GPC6: variants seen among roughly 807,000 people sequenced by gnomAD.
GPC6 encodes glypican-6.
Under a neutral mutation model 55.2 loss-of-function variants are expected in GPC6, and 14 were observed. The ratio of observed to expected loss-of-function variants is 0.25; its 90% CI spans 0.17 to 0.40. The LOEUF (loss-of-function observed/expected upper bound fraction) is 0.40. GPC6 is among the 10% of genes least tolerant of loss of function. The probability of loss-of-function intolerance (pLI) is 1.00; values close to 1 mark genes in which losing one functional copy is unlikely to be tolerated. For synonymous variants in GPC6, 278 were observed against 259.6 expected (o/e 1.07, Z -0.68); for missense variants, 641 against 708.5 (o/e 0.90, Z 1.08).
chr13:93,752,482 C>T (rs146814013), intron 2 of GPC6, among the ~76,000 whole-genome samples: 2 of 151,394 alleles, frequency 1.3e-5, no homozygotes, highest in East Asian at 3.9e-4. Context: ...CCTAAGGTAG[C>T]ACTTAGGAAT....
At chr13:94,250,543 G>C (rs1891317292) in intron 4 of GPC6, among the ~76,000 whole-genome samples, 1 of 152,144 alleles carries the variant, frequency 6.6e-6, no homozygotes, top group South Asian at 2.1e-4. Context: ...GTTATAATTA[G>C]AATGGACAAG....
chr13:93,661,101 A>G (rs1880901841), intron 2 of GPC6, among the ~76,000 whole-genome samples: 1 of 152,246 alleles, frequency 6.6e-6, no homozygotes, highest in African/African-American at 2.4e-5. Context: ...CAAGGAGACA[A>G]GAATGTACAC....
chr13:94,185,524 C>T (rs2138953467), intron 4 of GPC6, among the ~76,000 whole-genome samples: 1 of 151,558 alleles, frequency 6.6e-6, no homozygotes, highest in South Asian at 2.1e-4. Flanking sequence ...ATATATATTA[C>T]TAAATATTGG....
chr13:93,907,234 C>T (rs959328934), intron 3 of GPC6, among the ~76,000 whole-genome samples: 2 of 152,044 alleles, frequency 1.3e-5, no homozygotes, highest in African/African-American at 4.8e-5. Flanking sequence ...TTATGTATAT[C>T]CCTTAATAAT....
chr13:94,226,361 G>A (rs181230721), intron 4 of GPC6, among the ~76,000 whole-genome samples: 179 of 152,170 alleles, frequency 1.2e-3, no homozygotes, highest in Non-Finnish European at 1.7e-3. Flanking sequence ...GTGCTCTGCT[G>A]CACATTAGGA....
At chr13:93,545,214 T>C in intron 1 of GPC6, 49 bp from the exon 2 acceptor site, 1 of 1,518,256 alleles carries the variant, frequency 6.6e-7, no homozygotes, top group East Asian at 2.3e-5. Context: ...CTCTAACGTC[T>C]ACCAAAAGTC....
intron 7 of GPC6, among the ~76,000 whole-genome samples, chr13:94,388,045 C>G (rs2139214787): frequency 6.6e-6 from 1 of 152,148 alleles, no homozygotes; most frequent in South Asian, 2.1e-4. Context: ...AGTAGCAAGG[C>G]TTGAAGGCAG....
chr13:93,774,027 A>G (rs149335504), intron 2 of GPC6, among the ~76,000 whole-genome samples: 305 of 152,290 alleles, frequency 2.0e-3, no homozygotes, highest in African/African-American at 6.8e-3. Flanking sequence ...CATGCCTCCA[A>G]TGGAACCAAT....
At chr13:94,080,637 AAGATTAAGGTGCC>A (rs889336763) in intron 4 of GPC6, among the ~76,000 whole-genome samples, 2 of 152,178 alleles carry the variant, frequency 1.3e-5, no homozygotes, top group African/African-American at 4.8e-5. Flanking sequence ...TGGCAAATTC[AAGATTAAGGTGCC>A]AGCTGACTTA....
At chr13:93,332,884 A>G (rs1879902699) in intron 1 of GPC6, among the ~76,000 whole-genome samples, 2 of 152,170 alleles carry the variant, frequency 1.3e-5, no homozygotes, top group Admixed American at 1.3e-4. Context: ...TTTTGTATTC[A>G]GTGAGAGACA....
intron 4 of GPC6, among the ~76,000 whole-genome samples, chr13:94,146,134 T>A (rs1007853017): frequency 1.3e-5 from 2 of 152,188 alleles, no homozygotes; most frequent in Non-Finnish European, 1.5e-5. Context: ...TCCATAATCA[T>A]GTCACATGCT....
chr13:93,963,333 T>C (rs1352722552), intron 3 of GPC6, among the ~76,000 whole-genome samples: 3 of 152,164 alleles, frequency 2.0e-5, no homozygotes, highest in South Asian at 4.1e-4. Context: ...TACTCATTTG[T>C]GATTACTGAA....
intron 1 of GPC6, among the ~76,000 whole-genome samples, chr13:93,309,723 G>A (rs1191138840): frequency 6.6e-6 from 1 of 152,110 alleles, no homozygotes; most frequent in Non-Finnish European, 1.5e-5. Context: ...ATAGAAGAAA[G>A]AAAAGCCCTG....
At chr13:93,687,057 AT>A (rs1882076302) in intron 2 of GPC6, among the ~76,000 whole-genome samples, 1 of 152,062 alleles carries the variant, frequency 6.6e-6, no homozygotes, top group Non-Finnish European at 1.5e-5. Flanking sequence ...TATGTAATTA[AT>A]CAAGTTCATT....
At chr13:94,011,753 G>A (rs1432002904) in intron 3 of GPC6, among the ~76,000 whole-genome samples, 1 of 152,174 alleles carries the variant, frequency 6.6e-6, no homozygotes, top group Non-Finnish European at 1.5e-5. Flanking sequence ...TATTCATGAA[G>A]TCAGTTCTGC....
intron 1 of GPC6, among the ~76,000 whole-genome samples, chr13:93,531,499 G>A (rs1458112821): frequency 1.3e-5 from 2 of 152,014 alleles, no homozygotes; most frequent in Non-Finnish European, 2.9e-5. Flanking sequence ...GGTTAGGCCT[G>A]CCCACATTAT....
At chr13:93,822,190 A>G (rs1887072137) in intron 2 of GPC6, among the ~76,000 whole-genome samples, 1 of 152,106 alleles carries the variant, frequency 6.6e-6, no homozygotes, top group South Asian at 2.1e-4. Context: ...TATGATTTAC[A>G]CAATATTTTC....
At chr13:93,584,684 G>GTTTTTTTT (rs779571682) in intron 2 of GPC6, among the ~76,000 whole-genome samples, 7 of 95,572 alleles carry the variant, frequency 7.3e-5, no homozygotes, top group East Asian at 6.8e-4. Flanking sequence ...CCTTCTGAAA[G>GTTTTTTTT]TTTTTTTTTT....
At chr13:93,466,214 T>TAAAA (rs4001863) in intron 1 of GPC6, among the ~76,000 whole-genome samples, 35 of 150,702 alleles carry the variant, frequency 2.3e-4, no homozygotes, top group East Asian at 7.9e-4. Context: ...TTTCAAATTG[T>TAAAA]AAAAAAAAAC....
Sources: gnomAD v4.1 joint callset for allele counts (sites outside exome capture counted in the v4.1 genomes callset) on GRCh38, gnomAD v4.1.1 for gene constraint, MANE v1.5 for transcripts, NCBI Gene and HGNC (gene_info 2026-07-23, HGNC 2026-07-21) for gene names.